NDUFB11: variants seen among roughly 807,000 people sequenced by gnomAD.
The protein encoded by NDUFB11 is NADH dehydrogenase [ubiquinone] 1 beta subcomplex subunit 11, mitochondrial.
For missense variants in NDUFB11, 108 were observed against 133.8 expected (o/e 0.81, Z 0.95); for synonymous variants, 51 against 57.4 (o/e 0.89, Z 0.51).
chrX:47,144,688 G>C lies in NDUFB11; in HGVS notation c.-9C>G, dbSNP rs782114794. On this transcript the variant is annotated 5_prime_UTR_variant, in exon 1 of 3. Coordinates refer to ENST00000377811, the MANE Select transcript of NDUFB11 (RefSeq NM_001135998.3). ...AACAGCCCAGCCGCCATGACAGATGGTGCTGCAGGGTCTCAGGGGCGGGGA... is the reference window on the plus strand; with the variant it reads ...AACAGCCCAGCCGCCATGACAGATGCTGCTGCAGGGTCTCAGGGGCGGGGA... The C allele has an allele frequency of 1.8e-6, 2 of 1,136,706 alleles. No individual in the cohort carries two copies. The highest frequency in any genetic ancestry group is 4.0e-5 in the South Asian group (2 of 50,500). 93.7% of individuals were successfully genotyped at this position (1,136,706 alleles called of 1,213,427 possible).
upstream of NDUFB11, chrX:47,144,739 A>C: frequency 1.0e-6 from 1 of 1,004,134 alleles, no homozygotes; most frequent in Non-Finnish European, 1.3e-6. Flanking sequence ...GCGCAGCTGC[A>C]GTGGGTGCGA....
upstream of NDUFB11, chrX:47,145,472 C>A: frequency 8.7e-7 from 1 of 1,153,659 alleles, no homozygotes. Context: ...TCCTTGACAG[C>A]CCGGGCCGAG....
chrX:47,143,899 C>T (rs1931866560), intron 1 of NDUFB11, among the ~76,000 whole-genome samples: 1 of 111,911 alleles, frequency 8.9e-6, no homozygotes, highest in African/African-American at 3.3e-5. Context: ...CATCTCTGTG[C>T]CTCAGTTTCC....
At chrX:47,143,529 C>T (rs147958147) in intron 1 of NDUFB11, among the ~76,000 whole-genome samples, 339 of 112,582 alleles carry the variant, frequency 3.0e-3, no homozygotes, top group Non-Finnish European at 4.8e-3. Flanking sequence ...CACATAGAAA[C>T]ACCTCACAAT....
upstream of NDUFB11, chrX:47,145,314 T>A: frequency 1.4e-6 from 1 of 732,341 alleles, no homozygotes; most frequent in East Asian, 3.5e-5. Context: ...CGGCAGTGAG[T>A]TTCCCTGGGA....
chrX:47,144,601 C>G lies in NDUFB11; in HGVS notation c.79G>C (p.Val27Leu), dbSNP rs1211565636. 15 of 1,197,524 alleles carry G rather than the reference C, an allele frequency of 1.3e-5. No homozygotes were observed. The highest frequency in any genetic ancestry group is 1.7e-5 in the Non-Finnish European group (15 of 889,974). Residue 27 changes from valine to leucine, a missense_variant, in exon 1 of 3, where the codon GTC becomes CTC. Val to Leu is a conservative substitution (Grantham distance 32). Transcript: ENST00000377811. ...AATRGLPAAR[V>L]RWESSFSRTV... ...CTGGAGAAGCTAGATTCCCAGCGGA[C>G]GCGGGCGGCCGGGAGCCCTCGCGTC...
rs1556761151 is a variant in NDUFB11 at position 47,144,462 on chromosome X, CCG to C, written c.207+9_207+10del. 2.2e-6 allele frequency: 1 copy of C among 458,451 alleles called. No homozygotes were observed. Among genetic ancestry groups the C allele is most frequent in the South Asian group, 1.0e-4 (1 of 9,661 alleles). 37.8% of individuals were successfully genotyped at this position (458,451 alleles called of 1,213,427 possible). ...GTCCCCACTACCCCCCCCCCCCCCC[CCG>C]CCTCTCACCTTCTCATACAAGTTTT... is the stretch of plus-strand genomic sequence containing the variant. On this transcript the variant is annotated intron_variant, in intron 1 of 2. Coordinates refer to ENST00000377811, the MANE Select transcript of NDUFB11 (RefSeq NM_001135998.3).
Position 47,144,585 on chromosome X carries a change from C to T in NDUFB11, c.95G>A (p.Ser32Asn). Residue 32 changes from serine to asparagine, a missense_variant, in exon 1 of 3, where the codon AGC becomes AAC. Coordinates refer to ENST00000377811, the MANE Select transcript of NDUFB11 (RefSeq NM_001135998.3). ...CGGGGCGACCACAGTCCTGGAGAAG[C>T]TAGATTCCCAGCGGACGCGGGCGGC... ...LPAARVRWES[S>N]FSRTVVAPSA... 2 of 1,205,227 alleles carry T rather than the reference C, an allele frequency of 1.7e-6. No individual in the cohort carries two copies. Among genetic ancestry groups the T allele is most frequent in the Non-Finnish European group, 2.2e-6 (2 of 893,022 alleles).
At chrX:47,144,785 A>C (rs782764198), upstream of NDUFB11, 3 of 764,976 alleles carry the variant, frequency 3.9e-6, no homozygotes, top group Admixed American at 3.9e-5. Flanking sequence ...GCCACGCTAT[A>C]TAGGTCCCAG....
Position 47,142,244 on chromosome X carries a change from C to T in NDUFB11, c.*73G>A, listed in dbSNP as rs1931797755. The T allele has an allele frequency of 1.0e-5, 12 of 1,150,008 alleles. No individual in the cohort carries two copies. The highest frequency in any genetic ancestry group is 1.2e-5 in the Non-Finnish European group (10 of 864,113). 94.8% of individuals were successfully genotyped at this position (1,150,008 alleles called of 1,213,427 possible). On this transcript the variant is annotated 3_prime_UTR_variant, in exon 3 of 3. Coordinates refer to ENST00000377811, the MANE Select transcript of NDUFB11 (RefSeq NM_001135998.3). ...GACTTTCAGCCCCTTTAATTAGGTG[C>T]TCTGAGAAGAGGTCAGAATGGCAGG... is the stretch of plus-strand genomic sequence containing the variant.
chrX:47,142,280 G>C lies in NDUFB11; in HGVS notation c.*37C>G. On this transcript the variant is annotated 3_prime_UTR_variant, in exon 3 of 3. Coordinates refer to ENST00000377811, the MANE Select transcript of NDUFB11 (RefSeq NM_001135998.3). Reference sequence around the variant, plus strand: ...GGTCAGAATGGCAGGCAGGGGGTGGGGAAGGCGGTGCTTCTTGAGCCCCAC... The same window carrying C: ...GGTCAGAATGGCAGGCAGGGGGTGGCGAAGGCGGTGCTTCTTGAGCCCCAC... 1 of 1,193,216 alleles carries C rather than the reference G, an allele frequency of 8.4e-7. No homozygotes were observed. The highest frequency in any genetic ancestry group is 3.0e-5 in the East Asian group (1 of 33,399).
chrX:47,142,285 G>A lies in NDUFB11; in HGVS notation c.*32C>T. The stretch of plus-strand genomic sequence containing the variant: ...GAATGGCAGGCAGGGGGTGGGGAAG[G>A]CGGTGCTTCTTGAGCCCCACTTAGC... On this transcript the variant is annotated 3_prime_UTR_variant, in exon 3 of 3. Transcript: ENST00000377811. The A allele has an allele frequency of 1.7e-6, 2 of 1,196,475 alleles. No homozygotes were observed. The highest frequency in any genetic ancestry group is 2.5e-4 in the Middle Eastern group (1 of 3,979).
chrX:47,143,710 GA>G (rs1931855063), intron 1 of NDUFB11, among the ~76,000 whole-genome samples: 1 of 111,961 alleles, frequency 8.9e-6, no homozygotes, highest in Non-Finnish European at 1.9e-5. Flanking sequence ...TACAGACAAA[GA>G]AACTGAGGCA....
In NDUFB11 at chrX:47,142,350, G is replaced by A. The variant is rs143960444; in HGVS notation, c.429C>T (p.Asp143=). The change falls in exon 3 of 3, where the codon GAC becomes GAT. Residue 143 remains aspartate (D), a synonymous_variant. Transcript: ENST00000377811. The stretch of plus-strand genomic sequence containing the variant: ...CCTCTGGCAGCTGGATCTTGCTGGG[G>A]TCGAAGCAGTTGGATTCCATGATGG... ...GLPIMESNCF[D]PSKIQLPEDE is the part of the protein sequence containing the mutation. 1.4e-5 allele frequency: 17 copies of A among 1,209,001 alleles called. No homozygotes were observed. Among genetic ancestry groups the A allele is most frequent in the African/African-American group, 3.5e-5 (2 of 57,098 alleles).
At chrX:47,142,528 G>T (rs782761683) in intron 2 of NDUFB11, 86 bp downstream of exon 2, 1 of 1,203,647 alleles carries the variant, frequency 8.3e-7, no homozygotes, top group Admixed American at 2.2e-5. Flanking sequence ...AATGGTGCAG[G>T]AACAAAACTC....
In NDUFB11 at chrX:47,142,670, G is replaced by A. The variant is rs782242022; in HGVS notation, c.282C>T (p.Gly94=). ...VWNMRLVFFF[G]VSIILVLGST... ...TGCCAAGGACCAGGATGATGGAGAC[G>A]CCAAAGAAGAAGACAAGTCGCATGT... is the stretch of plus-strand genomic sequence containing the variant. Residue 94 remains glycine (G), a synonymous_variant, in exon 2 of 3, where the codon GGC becomes GGT. Coordinates refer to ENST00000377811, the MANE Select transcript of NDUFB11 (RefSeq NM_001135998.3). The A allele has an allele frequency of 5.8e-6, 7 of 1,210,184 alleles. No individual in the cohort carries two copies. In the Admixed American group the frequency reaches 8.7e-5, roughly 15 times the overall value.
At chrX:47,144,941 G>A (rs1324732119), upstream of NDUFB11, 16 of 328,894 alleles carry the variant, frequency 4.9e-5, no homozygotes, top group Non-Finnish European at 8.0e-5. Flanking sequence ...GGAAGAAATC[G>A]GTGACATTTG....
In NDUFB11 at chrX:47,144,524, G is replaced by A; in HGVS notation, c.156C>T (p.Thr52=). The A allele has an allele frequency of 8.8e-7, 1 of 1,131,133 alleles. No individual in the cohort carries two copies. The highest frequency in any genetic ancestry group is 3.3e-5 in the East Asian group (1 of 30,430). The allele number at this position is 1,131,133 out of a possible 1,213,427, so 93.2% of individuals were successfully genotyped here. The change falls in exon 1 of 3, where the codon ACC becomes ACT. Residue 52 remains threonine (T), a synonymous_variant. Transcript: ENST00000377811. ...GTTCTGGGTCCTCTTGCCACGGTGT[G>A]GTCGGTTCTGGGGGCCGCTTTCCCG... The part of the protein sequence containing the change: ...AVAGKRPPEP[T]TPWQEDPEPE...
intron 1 of NDUFB11, 27 bp downstream of exon 1, chrX:47,144,439 CCCCACTA>C: frequency 7.5e-6 from 2 of 265,228 alleles, no homozygotes; most frequent in Non-Finnish European, 1.1e-5. Flanking sequence ...GGGGTTCCGT[CCCCACTA>C]CCCCCCCCCC....
Sources: gnomAD v4.1 joint callset for allele counts (sites outside exome capture counted in the v4.1 genomes callset) on GRCh38, gnomAD v4.1.1 for gene constraint, MANE v1.5 for transcripts, NCBI Gene and HGNC (gene_info 2026-07-23, HGNC 2026-07-21) for gene names.